The following UQCC1 variants were observed in gnomAD, a reference collection of about 807,000 sequenced individuals.
UQCC1 encodes ubiquinol-cytochrome c reductase complex assembly factor 1, also known as bFGF-repressed Zic-binding protein.
Under a neutral mutation model 48.0 loss-of-function variants are expected in UQCC1, and 38 were observed. The ratio of observed to expected loss-of-function variants is 0.79; its 90% CI spans 0.61 to 1.04. The LOEUF is 1.04. Among genes scored for constraint, UQCC1 ranks in the 50% least tolerant of loss-of-function variants. UQCC1 has a pLI of 0.00. For synonymous variants in UQCC1, 111 were observed against 129.2 expected, an observed-to-expected ratio of 0.86 and a Z score of 0.95; for missense variants, 368 against 381.8, an observed-to-expected ratio of 0.96 and a Z score of 0.30.
At chr20:35,313,850 C>T (rs532817311) in intron 8 of UQCC1, among the ~76,000 whole-genome samples, 87 of 152,240 alleles carry the variant, frequency 5.7e-4, no homozygotes, top group Non-Finnish European at 1.1e-3. Context: ...TCAGCTGATC[C>T]ACCCACCTCG....
At chr20:35,373,081 G>A (rs553326229) in intron 5 of UQCC1, among the ~76,000 whole-genome samples, 90 of 152,218 alleles carry the variant, frequency 5.9e-4, no homozygotes, top group Non-Finnish European at 1.2e-3. Flanking sequence ...TGTGGAACTG[G>A]AAATGATTTA....
chr20:35,308,723 G>A (rs1391276414), intron 8 of UQCC1, among the ~76,000 whole-genome samples: 2 of 152,122 alleles, frequency 1.3e-5, no homozygotes, highest in African/African-American at 4.8e-5. Flanking sequence ...GCTTTGTTTT[G>A]TTTTGTTTTG....
chr20:35,393,271 A>G (rs1245380118), intron 2 of UQCC1, among the ~76,000 whole-genome samples: 3 of 152,240 alleles, frequency 2.0e-5, no homozygotes, highest in Admixed American at 6.5e-5. Flanking sequence ...TAAGAAAATT[A>G]AAGCTTATAA....
intron 7 of UQCC1, among the ~76,000 whole-genome samples, chr20:35,326,803 G>A (rs1438588614): frequency 6.6e-6 from 1 of 152,166 alleles, no homozygotes; most frequent in Non-Finnish European, 1.5e-5. Flanking sequence ...ATTAAATTTA[G>A]GCAGACTGGG....
intron 7 of UQCC1, among the ~76,000 whole-genome samples, chr20:35,340,031 A>G (rs1276653052): frequency 2.6e-5 from 4 of 152,128 alleles, no homozygotes; most frequent in African/African-American, 9.7e-5. Flanking sequence ...ATGCATCCTT[A>G]CCCACTCTAA....
chr20:35,366,426 A>C, intron 6 of UQCC1, 131 bp downstream of exon 6: 1 of 726,444 alleles, frequency 1.4e-6, no homozygotes, highest in Non-Finnish European at 2.3e-6. Context: ...AGTTATTAAA[A>C]TGAAAGGAAC....
chr20:35,321,270 G>A (rs2061122806), intron 7 of UQCC1, among the ~76,000 whole-genome samples: 1 of 150,374 alleles, frequency 6.7e-6, no homozygotes, highest in African/African-American at 2.5e-5. Context: ...GTGTGTGTGT[G>A]TGTGTGTGTG....
intron 6 of UQCC1, among the ~76,000 whole-genome samples, chr20:35,365,783 T>G (rs2061660156): frequency 6.6e-6 from 1 of 151,902 alleles, no homozygotes; most frequent in African/African-American, 2.4e-5. Context: ...TATATAGTAG[T>G]CAGTTGTATG....
chr20:35,327,786 G>A (rs1568659301), intron 7 of UQCC1, among the ~76,000 whole-genome samples: 1 of 152,308 alleles, frequency 6.6e-6, no homozygotes, highest in East Asian at 1.9e-4. Context: ...CAGATCACCT[G>A]AGGTCAGGAG....
intron 7 of UQCC1, among the ~76,000 whole-genome samples, chr20:35,343,953 A>G (rs1461895306): frequency 6.6e-6 from 1 of 152,236 alleles, no homozygotes; most frequent in Non-Finnish European, 1.5e-5. Flanking sequence ...CACCCTATCT[A>G]CAACAATCCA....
intron 6 of UQCC1, among the ~76,000 whole-genome samples, chr20:35,356,759 C>T (rs1482058485): frequency 6.6e-6 from 1 of 152,162 alleles, no homozygotes; most frequent in Non-Finnish European, 1.5e-5. Flanking sequence ...TTAGAACAAA[C>T]CCTCCAGGAT....
chr20:35,361,797 TA>T (rs1334946256), intron 6 of UQCC1, among the ~76,000 whole-genome samples: 1 of 152,190 alleles, frequency 6.6e-6, no homozygotes, highest in Non-Finnish European at 1.5e-5. Context: ...ATGTGTGAAA[TA>T]ATGTATGTAA....
At chr20:35,306,344 G>A in intron 9 of UQCC1, 1 of 292,136 alleles carries the variant, frequency 3.4e-6, no homozygotes, top group Non-Finnish European at 6.7e-6. Flanking sequence ...TATCTGCCAG[G>A]ACTCTGTGGG....
chr20:35,319,071 C>A (rs555912936), intron 7 of UQCC1, among the ~76,000 whole-genome samples: 9 of 152,264 alleles, frequency 5.9e-5, no homozygotes, highest in Admixed American at 5.2e-4. Context: ...ACATACAACA[C>A]CACAAGGAAA....
At chr20:35,405,652 C>G (rs940219279) in intron 1 of UQCC1, among the ~76,000 whole-genome samples, 5 of 152,166 alleles carry the variant, frequency 3.3e-5, no homozygotes. Flanking sequence ...CTTTGGGAGG[C>G]CAAGGCAGGG....
At chr20:35,346,759 G>A (rs2061435889) in intron 7 of UQCC1, 1 of 443,614 alleles carries the variant, frequency 2.3e-6, no homozygotes, top group African/African-American at 2.0e-5. Flanking sequence ...TGAAGACAGT[G>A]CAGGCCCCAT....
intron 7 of UQCC1, among the ~76,000 whole-genome samples, chr20:35,326,583 T>G (rs977685303): frequency 2.0e-5 from 3 of 152,116 alleles, no homozygotes; most frequent in Non-Finnish European, 2.9e-5. Context: ...TTCCAGTAAT[T>G]TGTTCACTAC....
rs546018157 is a variant in UQCC1 at position 35,371,827 on chromosome 20, T to C, written c.406+2357A>G. 4.0e-5 allele frequency among the ~76,000 whole-genome samples: 6 copies of C among 149,200 alleles called. No individual in the cohort carries two copies. The South Asian group carries it at 1.3e-3, about 32-fold the overall frequency. ...GAGTTCAAGACCAGCCTGGGCAACA[T>C]AGTGAGACCCTGTCTCTACAAAAAA... is the stretch of plus-strand genomic sequence containing the variant. On this transcript the variant is annotated intron_variant, in intron 5 of 9. Transcript: ENST00000374385.
intron 7 of UQCC1, among the ~76,000 whole-genome samples, chr20:35,324,626 G>A (rs992467925): frequency 6.6e-6 from 1 of 152,182 alleles, no homozygotes; most frequent in Non-Finnish European, 1.5e-5. Context: ...GCACCTGGCC[G>A]AGCAAGATAA....
Sources: gnomAD v4.1 joint callset for allele counts (sites outside exome capture counted in the v4.1 genomes callset) on GRCh38, gnomAD v4.1.1 for gene constraint, MANE v1.5 for transcripts, NCBI Gene and HGNC (gene_info 2026-07-23, HGNC 2026-07-21) for gene names.